DHRS1: variants seen among roughly 807,000 people sequenced by gnomAD.
The protein encoded by DHRS1 is dehydrogenase/reductase 1, also known as dehydrogenase/reductase SDR family member 1.
In DHRS1, 34 loss-of-function variants were observed where a neutral mutation model predicts 35.2. The observed-to-expected ratio is 0.97, with a 90% CI of 0.74 to 1.29. The LOEUF is 1.29. DHRS1 is among the 50% of genes most tolerant of loss of function. The pLI, the probability that DHRS1 is intolerant of heterozygous loss-of-function variation, is 0.00. For synonymous variants in DHRS1, 133 were observed against 160.0 expected (o/e 0.83, Z 1.27); for missense variants, 354 against 403.6 (o/e 0.88, Z 1.05).
At chr14:24,296,914 C>A in intron 2 of DHRS1, 33 bp from the exon 3 acceptor site, 1 of 1,613,718 alleles carries the variant, frequency 6.2e-7, no homozygotes, top group Non-Finnish European at 8.5e-7. Context: ...AGCTCACATT[C>A]ACACATGGGT....
chr14:24,290,725 G>T lies in DHRS1; in HGVS notation c.*134C>A. 8.5e-7 allele frequency: 1 copy of T among 1,171,510 alleles called. No homozygotes were observed. The highest frequency in any genetic ancestry group is 1.2e-6 in the Non-Finnish European group (1 of 815,542). The allele number at this position is 1,171,510 out of a possible 1,614,324, so 72.6% of individuals were successfully genotyped here. ...CTAGGCGCACCCCAGAACTCACCAC[G>T]GACACACAGCAGAGGGCTTCTCTTC... On this transcript the variant is annotated 3_prime_UTR_variant, in exon 9 of 9. Coordinates refer to ENST00000288111, the MANE Select transcript of DHRS1 (RefSeq NM_001136050.3).
chr14:24,295,478 G>T (rs2041233851), intron 4 of DHRS1, among the ~76,000 whole-genome samples: 1 of 152,218 alleles, frequency 6.6e-6, no homozygotes, highest in Non-Finnish European at 1.5e-5. Flanking sequence ...CATGGGGAAT[G>T]GGTGGGCAGG....
intron 1 of DHRS1, chr14:24,299,344 G>C (rs1332504178): frequency 1.2e-5 from 6 of 514,270 alleles, no homozygotes; most frequent in African/African-American, 7.6e-5. Context: ...AGAAGGGGCT[G>C]AGTGGGACTG....
rs764572998 is a variant in DHRS1, at chr14:24,291,538, GC to G, written c.724+17del. On this transcript the variant is annotated intron_variant, in intron 7 of 8. Coordinates refer to ENST00000288111, the MANE Select transcript of DHRS1 (RefSeq NM_001136050.3). ...TCCTCCATGCCCTTTCTTATTACCAGCTGCCCCCAAACTTCACCTGTTGCCA... is the reference window on the plus strand; with the variant it reads ...TCCTCCATGCCCTTTCTTATTACCAGTGCCCCCAAACTTCACCTGTTGCCA... 6.2e-7 allele frequency: 1 copy of G among 1,613,886 alleles called. No homozygotes were observed.
intron 4 of DHRS1, chr14:24,293,539 A>C (rs1157821390): frequency 6.6e-6 from 1 of 151,566 alleles, no homozygotes; most frequent in Non-Finnish European, 1.5e-5. Flanking sequence ...GTGCCACTGC[A>C]CTCTAGCCTG....
chr14:24,292,129 G>A, intron 6 of DHRS1, 55 bp downstream of exon 6: 4 of 1,607,832 alleles, frequency 2.5e-6, no homozygotes, highest in Non-Finnish European at 2.6e-6. Flanking sequence ...TTGTTATTGA[G>A]GATGCAGAGG....
At chr14:24,298,871 C>T (rs1594613318) in intron 2 of DHRS1, 86 bp downstream of exon 2, 14 of 1,399,274 alleles carry the variant, frequency 1.0e-5, no homozygotes, top group Non-Finnish European at 1.3e-5. Context: ...ATTATAGTTT[C>T]AGGTAAGGGA....
chr14:24,291,100 A>G, intron 8 of DHRS1, 39 bp downstream of exon 8: 1 of 1,612,922 alleles, frequency 6.2e-7, no homozygotes, highest in South Asian at 1.1e-5. Flanking sequence ...GAACAGAGGG[A>G]ACAGCAGTCA....
Position 24,291,442 on chromosome 14 carries a change from A to C in DHRS1, c.724+114T>G, listed in dbSNP as rs191058949. 2,248 of 1,251,400 alleles carry C rather than the reference A, an allele frequency of 1.8e-3. 4 individuals carry two copies. The highest frequency in any genetic ancestry group is 2.3e-3 in the Non-Finnish European group (1,974 of 852,916). The allele number at this position is 1,251,400 out of a possible 1,614,324, so 77.5% of individuals were successfully genotyped here. On this transcript the variant is annotated intron_variant, in intron 7 of 8. Coordinates refer to ENST00000288111, the MANE Select transcript of DHRS1 (RefSeq NM_001136050.3). ...TGACCCCTTGGGCCTCAAAAAGCAG[A>C]GAAAAGAATGACATGTTCCTCAACC...
In DHRS1 at chr14:24,292,290, C is replaced by T. The variant is rs1184068505; in HGVS notation, c.548G>A (p.Arg183His). ...LAADCAHELR[R>H]HGVSCVSLWP... ...CAGAGACACACAGCTGACCCCATGG[C>T]GCCGCAGCTCGTGGGCACAGTCAGC... Residue 183 changes from arginine to histidine, a missense_variant, in exon 6 of 9, where the codon CGC (arginine) becomes CAC (histidine). Physicochemically the swap from Arg to His is conservative, Grantham distance 29 (BLOSUM62 0). Transcript: ENST00000288111. 97 of 1,614,012 alleles carry T rather than the reference C, an allele frequency of 6.0e-5. No homozygotes were observed. Among genetic ancestry groups the T allele is most frequent in the Non-Finnish European group, 7.8e-5 (92 of 1,180,036 alleles).
At chr14:24,292,456 GCCCACGCTC>G in intron 5 of DHRS1, 126 bp from the exon 6 acceptor site, 1 of 1,480,296 alleles carries the variant, frequency 6.8e-7, no homozygotes, top group Non-Finnish European at 9.2e-7. Context: ...GGTCTCAGCT[GCCCACGCTC>G]CCCAGTGTGA....
intron 4 of DHRS1, 51 bp from the exon 5 acceptor site, chr14:24,292,835 G>A: frequency 1.3e-6 from 2 of 1,567,294 alleles, no homozygotes; most frequent in Non-Finnish European, 1.7e-6. Flanking sequence ...GTGCTGGCCT[G>A]GGTGCCACAG....
intron 7 of DHRS1, 136 bp from the exon 8 acceptor site, chr14:24,291,355 GA>G: frequency 1.8e-6 from 2 of 1,128,270 alleles, no homozygotes; most frequent in Non-Finnish European, 2.7e-6. Context: ...TTGGGCCTTG[GA>G]CTTTTTCCAC....
At position 24,299,170 on chromosome 14, in the gene DHRS1, C is replaced by CTG. The variant is rs1194724119; in HGVS notation, c.-24-42_-24-41dup. On this transcript the variant is annotated intron_variant, in intron 1 of 8. Coordinates refer to ENST00000288111, the MANE Select transcript of DHRS1 (RefSeq NM_001136050.3). ...ACTTACTCTGAGGGAAGCCTGGAGACTGTGTGTGTGTTGGGGCGAGGTTGG... is the reference window on the plus strand; with the variant it reads ...ACTTACTCTGAGGGAAGCCTGGAGACTGTGTGTGTGTGTTGGGGCGAGGTTGG... The CTG allele has an allele frequency of 2.6e-6, 4 of 1,551,426 alleles. No individual in the cohort carries two copies. In the African/African-American group the frequency reaches 4.1e-5, roughly 16 times the overall value.
chr14:24,298,352 A>G (rs1477484728), intron 2 of DHRS1, among the ~76,000 whole-genome samples: 1 of 152,246 alleles, frequency 6.6e-6, no homozygotes, highest in Non-Finnish European at 1.5e-5. Context: ...GTACTCCACC[A>G]TGGACTGAAT....
At chr14:24,297,494 C>T (rs2041271030) in intron 2 of DHRS1, among the ~76,000 whole-genome samples, 1 of 152,184 alleles carries the variant, frequency 6.6e-6, no homozygotes, top group African/African-American at 2.4e-5. Context: ...GCTCTGGGTC[C>T]CCGCCTATTA....
intron 4 of DHRS1, 101 bp downstream of exon 4, chr14:24,296,408 G>A: frequency 8.8e-7 from 1 of 1,133,598 alleles, no homozygotes; most frequent in Non-Finnish European, 1.3e-6. Flanking sequence ...AAAGAGATGG[G>A]GGAGGCCGGA....
rs978605287 is a variant in DHRS1 at position 24,296,586 on chromosome 14, C to T, written c.297G>A (p.Thr99=). The T allele has an allele frequency of 1.2e-5, 20 of 1,613,694 alleles. No individual in the cohort carries two copies. Among genetic ancestry groups the T allele is most frequent in the Non-Finnish European group, 1.6e-5 (19 of 1,179,976 alleles). The change falls in exon 4 of 9, where the codon ACG becomes ACA. Residue 99 remains threonine (T), a splice_region_variant and synonymous_variant. Coordinates refer to ENST00000288111, the MANE Select transcript of DHRS1 (RefSeq NM_001136050.3). The part of the protein sequence containing the change: ...LVNNAYAGVQ[T]ILNTRNKAFW... ...ATGCCTTATTCCTGGTGTTCAGGATCGTCTGGAAGGCACAGGGAGGGTGAT... is the reference window on the plus strand; with the variant it reads ...ATGCCTTATTCCTGGTGTTCAGGATTGTCTGGAAGGCACAGGGAGGGTGAT...
chr14:24,294,302 G>A (rs762479640), intron 4 of DHRS1: 2 of 152,016 alleles, frequency 1.3e-5, no homozygotes, highest in Admixed American at 6.5e-5. Context: ...AAAGAGCAGG[G>A]CGAGGCTGAG....
Sources: allele counts gnomAD v4.1 joint callset (sites outside exome capture counted in the v4.1 genomes callset), GRCh38; gene constraint gnomAD v4.1.1; transcripts MANE v1.5; gene names NCBI Gene and HGNC (gene_info 2026-07-23, HGNC 2026-07-21).